ZBTB7C: variants seen among roughly 807,000 people sequenced by gnomAD.
ZBTB7C encodes the protein zinc finger and BTB domain containing 7C, also known as zinc finger and BTB domain-containing protein 7C.
A neutral mutation model predicts 25.7 loss-of-function variants in ZBTB7C; 8 were observed. That is an observed-to-expected ratio of 0.31 (90% CI 0.18 to 0.56). The LOEUF (loss-of-function observed/expected upper bound fraction) is 0.56, where lower values mean the gene tolerates loss of function less well. Ranked by LOEUF, ZBTB7C falls within the 20% of genes least tolerant of loss-of-function variation. ZBTB7C has a pLI of 0.91. For missense variants in ZBTB7C, 824 were observed against 855.2 expected, an observed-to-expected ratio of 0.96 and a Z score of 0.46; for synonymous variants, 394 against 369.0, an observed-to-expected ratio of 1.07 and a Z score of -0.78.
chr18:48,285,163 G>T (rs1598780506), intron 2 of ZBTB7C, among the ~76,000 whole-genome samples: 1 of 152,166 alleles, frequency 6.6e-6, no homozygotes. Flanking sequence ...CTTGTTACTT[G>T]TATTGTTTGA....
chr18:48,411,330 T>G (rs2048382817), upstream of ZBTB7C, among the ~76,000 whole-genome samples: 2 of 152,368 alleles, frequency 1.3e-5, no homozygotes, highest in Admixed American at 1.3e-4. Context: ...TCTAGGATAG[T>G]CTATCGTGGA....
At chr18:48,208,668 C>T (rs1209523742) in intron 2 of ZBTB7C, among the ~76,000 whole-genome samples, 1 of 152,220 alleles carries the variant, frequency 6.6e-6, no homozygotes, top group East Asian at 1.9e-4. Flanking sequence ...CTCATCTCCA[C>T]CACTGATCCT....
intron 3 of ZBTB7C, among the ~76,000 whole-genome samples, chr18:48,179,497 A>C (rs529957046): frequency 5.8e-4 from 89 of 152,238 alleles, no homozygotes; most frequent in African/African-American, 2.0e-3. Flanking sequence ...GGGATCAGAC[A>C]GGTGGTTAAG....
At chr18:48,397,458 G>A (rs1480806298) in intron 1 of ZBTB7C, among the ~76,000 whole-genome samples, 2 of 152,150 alleles carry the variant, frequency 1.3e-5, no homozygotes, top group East Asian at 1.9e-4. Context: ...TCTGGAATCA[G>A]AGCTCTTCCA....
chr18:48,321,566 T>C (rs1427565013), intron 2 of ZBTB7C, among the ~76,000 whole-genome samples: 1 of 152,114 alleles, frequency 6.6e-6, no homozygotes. Context: ...CTGGACTGCT[T>C]CCCCTCCCCA....
chr18:48,268,786 T>C (rs370537250), intron 2 of ZBTB7C, among the ~76,000 whole-genome samples: 10 of 152,130 alleles, frequency 6.6e-5, no homozygotes, highest in African/African-American at 2.4e-4. Flanking sequence ...TATCTATCTA[T>C]GCATCTATAT....
At chr18:48,302,308 G>A (rs997623665) in intron 2 of ZBTB7C, among the ~76,000 whole-genome samples, 3 of 152,184 alleles carry the variant, frequency 2.0e-5, no homozygotes, top group South Asian at 2.1e-4. Context: ...AAGAGCTGAC[G>A]GCTCCTGCTC....
intron 2 of ZBTB7C, among the ~76,000 whole-genome samples, chr18:48,265,870 T>C (rs1425361138): frequency 6.6e-6 from 1 of 152,190 alleles, no homozygotes; most frequent in Non-Finnish European, 1.5e-5. Flanking sequence ...TGGGCCCTTT[T>C]GCTAAAACGA....
chr18:48,128,593 G>C (rs956381117), intron 3 of ZBTB7C, among the ~76,000 whole-genome samples: 1 of 152,254 alleles, frequency 6.6e-6, no homozygotes, highest in Non-Finnish European at 1.5e-5. Flanking sequence ...TCTAAGTGAA[G>C]TAACTCAGGA....
At chr18:48,167,001 T>C (rs1787695164) in intron 3 of ZBTB7C, among the ~76,000 whole-genome samples, 1 of 152,152 alleles carries the variant, frequency 6.6e-6, no homozygotes, top group African/African-American at 2.4e-5. Flanking sequence ...AAGCAGAGCC[T>C]GCTCAGCCCT....
intron 2 of ZBTB7C, among the ~76,000 whole-genome samples, chr18:48,237,088 G>A (rs1322077101): frequency 6.6e-6 from 1 of 152,112 alleles, no homozygotes; most frequent in Non-Finnish European, 1.5e-5. Flanking sequence ...AATGCTGTCC[G>A]GAGCAGACAG....
intron 2 of ZBTB7C, among the ~76,000 whole-genome samples, chr18:48,246,078 G>A (rs1252109527): frequency 2.0e-5 from 3 of 152,102 alleles, no homozygotes; most frequent in African/African-American, 7.2e-5. Context: ...GTATAAAGAG[G>A]GAATATGGGA....
intron 1 of ZBTB7C, among the ~76,000 whole-genome samples, chr18:48,340,701 G>A (rs2046580125): frequency 6.6e-6 from 1 of 152,186 alleles, no homozygotes; most frequent in South Asian, 2.1e-4. Context: ...TGCAAGTTGG[G>A]GTTGAAACAT....
intron 2 of ZBTB7C, among the ~76,000 whole-genome samples, chr18:48,309,688 A>T (rs891927448): frequency 1.4e-4 from 21 of 152,276 alleles, no homozygotes; most frequent in African/African-American, 4.6e-4. Context: ...GAAGAACGTA[A>T]ATCTCAGAAT....
At chr18:48,137,410 G>T (rs1394164948) in intron 3 of ZBTB7C, 37 of 818,844 alleles carry the variant, frequency 4.5e-5, no homozygotes, top group Non-Finnish European at 5.2e-5. Flanking sequence ...TGTTTTTTGT[G>T]GGTTTCCCCC....
At chr18:48,402,179 C>T (rs1432416715) in intron 1 of ZBTB7C, among the ~76,000 whole-genome samples, 4 of 151,938 alleles carry the variant, frequency 2.6e-5, no homozygotes, top group Non-Finnish European at 5.9e-5. Context: ...GTGAAGACGT[C>T]CCCCAAACAG....
At chr18:48,332,796 A>C (rs2046372326) in intron 2 of ZBTB7C, among the ~76,000 whole-genome samples, 1 of 150,702 alleles carries the variant, frequency 6.6e-6, no homozygotes. Context: ...CTAAAGTCCC[A>C]GGGTCTCAAC....
intron 4 of ZBTB7C, among the ~76,000 whole-genome samples, chr18:48,034,520 C>A (rs895056194): frequency 6.6e-6 from 1 of 152,080 alleles, no homozygotes; most frequent in Non-Finnish European, 1.5e-5. Flanking sequence ...TCCTCCCAGC[C>A]CTCCTCCTCC....
chr18:48,213,287 T>C (rs541096538), intron 2 of ZBTB7C, among the ~76,000 whole-genome samples: 13 of 152,376 alleles, frequency 8.5e-5, no homozygotes, highest in African/African-American at 2.6e-4. Flanking sequence ...CCTTTACTTT[T>C]AGTTTTCTGT....
Sources: allele counts gnomAD v4.1 joint callset (sites outside exome capture counted in the v4.1 genomes callset), GRCh38; gene constraint gnomAD v4.1.1; transcripts MANE v1.5; gene names NCBI Gene and HGNC (gene_info 2026-07-23, HGNC 2026-07-21).